CAST: variants seen among roughly 807,000 people sequenced by gnomAD.
The protein encoded by CAST is MIR583 host.
In CAST, 76 loss-of-function variants were observed where a neutral mutation model predicts 119.6. The ratio of observed to expected loss-of-function variants is 0.64; its 90% CI spans 0.53 to 0.77. The LOEUF is 0.77. Among genes scored for constraint, CAST ranks in the 30% least tolerant of loss-of-function variants. The pLI, the probability that CAST is intolerant of heterozygous loss-of-function variation, is 0.00. For missense variants in CAST, 953 were observed against 946.5 expected, an observed-to-expected ratio of 1.01 and a Z score of -0.09; for synonymous variants, 319 against 331.6, an observed-to-expected ratio of 0.96 and a Z score of 0.41.
intron 1 of CAST, among the ~76,000 whole-genome samples, chr5:96,644,959 G>A (rs1272271909): frequency 6.6e-6 from 1 of 152,206 alleles, no homozygotes; most frequent in East Asian, 1.9e-4. Flanking sequence ...CTGGGTGACA[G>A]AGTGAGAGTG....
At chr5:96,661,783 C>A (rs1561444846), upstream of CAST, among the ~76,000 whole-genome samples, 1 of 152,244 alleles carries the variant, frequency 6.6e-6, no homozygotes, top group Non-Finnish European at 1.5e-5. Flanking sequence ...TTCTCCTCCC[C>A]ATAAAAGTTT....
At chr5:96,376,030 C>T in the CAST span, among the ~76,000 whole-genome samples, 1 of 150,916 alleles carries the variant, frequency 6.6e-6, no homozygotes, top group East Asian at 1.9e-4. Context: ...CCTCTAATAT[C>T]ACATGCTAAT....
At chr5:96,377,728 T>C in the CAST span, among the ~76,000 whole-genome samples, 1 of 152,152 alleles carries the variant, frequency 6.6e-6, no homozygotes, top group Non-Finnish European at 1.5e-5. Flanking sequence ...TATGTGCAAC[T>C]ATTTACCCAT....
the CAST span, among the ~76,000 whole-genome samples, chr5:96,326,695 ATTTTTTTTT>A: frequency 3.4e-3 from 328 of 95,768 alleles, 4 homozygotes; most frequent in South Asian, 0.051. Context: ...ATGGCTTTTC[ATTTTTTTTT>A]TTTTTTTTTT....
chr5:96,724,457 A>G (rs890637540), intron 4 of CAST, among the ~76,000 whole-genome samples: 1 of 152,162 alleles, frequency 6.6e-6, no homozygotes, highest in Non-Finnish European at 1.5e-5. Context: ...TGCTGGGATT[A>G]CAGGCATGAG....
chr5:96,217,113 C>T, the CAST span, among the ~76,000 whole-genome samples: 1 of 151,766 alleles, frequency 6.6e-6, no homozygotes, highest in Admixed American at 6.6e-5. Flanking sequence ...ATCATAGCTC[C>T]TTGTAGTCTC....
the CAST span, among the ~76,000 whole-genome samples, chr5:96,128,407 C>T: frequency 6.6e-6 from 1 of 152,090 alleles, no homozygotes; most frequent in Admixed American, 6.6e-5. Flanking sequence ...TTAGAGCACT[C>T]ACCTTCAGTG....
At chr5:96,381,300 A>C in the CAST span, among the ~76,000 whole-genome samples, 1 of 152,170 alleles carries the variant, frequency 6.6e-6, no homozygotes, top group African/African-American at 2.4e-5. Context: ...ATTAATAAGT[A>C]GATATTTAAT....
chr5:96,135,408 A>G, the CAST span, among the ~76,000 whole-genome samples: 1 of 152,178 alleles, frequency 6.6e-6, no homozygotes, highest in Non-Finnish European at 1.5e-5. Context: ...ATGGGAGGTA[A>G]TGGAAAAGGC....
intron 1 of CAST, among the ~76,000 whole-genome samples, chr5:96,568,209 C>T (rs1207915566): frequency 6.6e-6 from 1 of 152,034 alleles, no homozygotes; most frequent in African/African-American, 2.4e-5. Flanking sequence ...TGCTTAAACC[C>T]CCTTGACTCT....
chr5:96,537,862 G>A (rs973528561), intron 1 of CAST, among the ~76,000 whole-genome samples: 1 of 152,002 alleles, frequency 6.6e-6, no homozygotes, highest in Non-Finnish European at 1.5e-5. Flanking sequence ...ATGTTTTTGA[G>A]GGGGGGAGCA....
At chr5:96,399,999 G>T in the CAST span, 12 of 1,613,984 alleles carry the variant, frequency 7.4e-6, no homozygotes, top group African/African-American at 1.3e-5. Flanking sequence ...TTCTTCTCAG[G>T]CACGCTCCTC....
chr5:96,109,471 T>C, the CAST span, among the ~76,000 whole-genome samples: 1 of 152,252 alleles, frequency 6.6e-6, no homozygotes, highest in Admixed American at 6.5e-5. Flanking sequence ...TTGATGAGGC[T>C]TTGAGACTCG....
the CAST span, among the ~76,000 whole-genome samples, chr5:96,510,121 TG>T: frequency 6.6e-6 from 1 of 152,252 alleles, no homozygotes; most frequent in Non-Finnish European, 1.5e-5. Flanking sequence ...ATTATCCTTT[TG>T]CTTGCTGACG....
chr5:96,730,708 G>A, intron 8 of CAST, 72 bp from the exon 9 acceptor site: 1 of 1,117,128 alleles, frequency 9.0e-7, no homozygotes, highest in East Asian at 2.4e-5. Context: ...AGTGACATTT[G>A]AAACTCATGA....
chr5:96,765,210 T>G lies in CAST; in HGVS notation c.1933-11T>G, dbSNP rs1769423685. Reference sequence around the variant, plus strand: ...TAATGAGTGACTAATTCAGCATTATTTACTTTTCAGCAGAGTGACAAAGAC... The same window carrying G: ...TAATGAGTGACTAATTCAGCATTATGTACTTTTCAGCAGAGTGACAAAGAC... On this transcript the variant is annotated splice_polypyrimidine_tract_variant and intron_variant, in intron 25 of 31. Coordinates refer to ENST00000675179, the MANE Select transcript of CAST (RefSeq NM_001750.7). 2.6e-6 allele frequency: 4 copies of G among 1,521,294 alleles called. No individual in the cohort carries two copies. Among genetic ancestry groups the G allele is most frequent in the Non-Finnish European group, 3.6e-6 (4 of 1,101,932 alleles). The allele number at this position is 1,521,294 out of a possible 1,614,324, so 94.2% of individuals were successfully genotyped here. A position where few individuals can be genotyped will look rare whatever the true frequency, so the allele number is the denominator to read the frequency against.
intron 1 of CAST, among the ~76,000 whole-genome samples, chr5:96,550,190 T>G (rs1746100723): frequency 1.3e-5 from 2 of 152,204 alleles, no homozygotes; most frequent in African/African-American, 2.4e-5. Context: ...CAGGCACCCT[T>G]CTGGAATGAA....
the CAST span, among the ~76,000 whole-genome samples, chr5:96,141,032 C>T: frequency 1.3e-5 from 2 of 151,920 alleles, no homozygotes; most frequent in Admixed American, 6.5e-5. Context: ...GAAAATTATG[C>T]ATAGAATTAA....
chr5:96,539,479 A>G (rs76721601), intron 1 of CAST, among the ~76,000 whole-genome samples: 2,507 of 152,198 alleles, frequency 0.016, 74 homozygotes, highest in African/African-American at 0.058. Flanking sequence ...TCATGTTTCT[A>G]TGTCATCACT....
Sources: allele counts gnomAD v4.1 joint callset (sites outside exome capture counted in the v4.1 genomes callset), GRCh38; gene constraint gnomAD v4.1.1; transcripts MANE v1.5; gene names NCBI Gene and HGNC (gene_info 2026-07-23, HGNC 2026-07-21).